The following PRKCH variants were observed in gnomAD, a reference collection of about 807,000 sequenced individuals.
PRKCH encodes protein kinase C eta type.
Under a neutral mutation model 82.5 loss-of-function variants are expected in PRKCH, and 28 were observed. That is an observed-to-expected ratio of 0.34 (90% CI 0.25 to 0.47). The LOEUF (loss-of-function observed/expected upper bound fraction) is 0.47, where lower values mean the gene tolerates loss of function less well. PRKCH is among the 20% of genes least tolerant of loss of function. The probability of loss-of-function intolerance (pLI) is 1.00; values close to 1 mark genes in which losing one functional copy is unlikely to be tolerated. For missense variants in PRKCH, 705 were observed against 881.8 expected, an observed-to-expected ratio of 0.80 and a Z score of 2.54; for synonymous variants, 322 against 327.4, an observed-to-expected ratio of 0.98 and a Z score of 0.18.
intron 1 of PRKCH, among the ~76,000 whole-genome samples, chr14:61,333,490 T>C (rs1190515805): frequency 6.6e-6 from 1 of 152,184 alleles, no homozygotes; most frequent in Non-Finnish European, 1.5e-5. Flanking sequence ...CTTCAATTAA[T>C]TATAGAAAAT....
intron 1 of PRKCH, among the ~76,000 whole-genome samples, chr14:61,366,761 T>TC (rs2046301508): frequency 2.0e-5 from 3 of 152,170 alleles, no homozygotes; most frequent in Middle Eastern, 6.8e-3. Flanking sequence ...GTACTTTATG[T>TC]TTATGTGTAT....
In PRKCH at chr14:61,249,910, C is replaced by T. The variant is rs543826529; in HGVS notation, c.-19+62242C>T. ...CTGGGATTACAGGCGTGAGCCACCA[C>T]GCTTGGCCCACCAATGGCAATTTAC... On this transcript the variant is annotated intron_variant, in intron 1 of 3. Transcript: ENST00000555185. Among the ~76,000 whole-genome samples, 6 of 151,540 alleles carry T rather than the reference C, an allele frequency of 4.0e-5. No homozygotes were observed. In the East Asian group the frequency reaches 5.9e-4, roughly 15 times the overall value.
In PRKCH at chr14:61,363,642, C is replaced by T. The variant is rs1476562466; in HGVS notation, c.364-27583C>T. On this transcript the variant is annotated intron_variant, in intron 1 of 13. Transcript: ENST00000332981. ...CTGGCAATTGAATGTGAGTCTGACG[C>T]TCTGGGAAGATGGCGTCTGGAGATG... Among the ~76,000 whole-genome samples the T allele has an allele frequency of 4.6e-5, 7 of 152,180 alleles. No homozygotes were observed. The East Asian group carries it at 1.3e-3, about 29-fold the overall frequency.
intron 1 of PRKCH, among the ~76,000 whole-genome samples, chr14:61,262,782 G>A (rs1254421369): frequency 6.6e-6 from 1 of 152,016 alleles, no homozygotes; most frequent in Non-Finnish European, 1.5e-5. Flanking sequence ...TCAAAAAATA[G>A]GGAAAATGGG....
intron 10 of PRKCH, among the ~76,000 whole-genome samples, chr14:61,516,778 C>T (rs544570436): frequency 1.3e-5 from 2 of 152,240 alleles, no homozygotes; most frequent in African/African-American, 4.8e-5. Context: ...GTGTCTAGCC[C>T]GTGATTGACA....
At chr14:61,317,748 CT>C (rs1412451753), upstream of PRKCH, among the ~76,000 whole-genome samples, 1 of 152,128 alleles carries the variant, frequency 6.6e-6, no homozygotes, top group Non-Finnish European at 1.5e-5. Flanking sequence ...TCCCACTTGC[CT>C]GCTTCTCCTC....
chr14:61,286,709 G>C lies in PRKCH; in HGVS notation c.-19+99041G>C, dbSNP rs147629212. Among the ~76,000 whole-genome samples, 515 of 152,216 alleles carry C rather than the reference G, an allele frequency of 3.4e-3. 1 individual carries two copies. The highest frequency in any genetic ancestry group is 0.011 in the African/African-American group (470 of 41,520). Reference sequence around the variant, plus strand: ...GAGAATCGCTTGAACCTGGGAGGTGGAGGTTGCGGTGAGCCGAGATCACGT... The same window carrying C: ...GAGAATCGCTTGAACCTGGGAGGTGCAGGTTGCGGTGAGCCGAGATCACGT... On this transcript the variant is annotated intron_variant, in intron 1 of 3. Transcript: ENST00000555185.
chr14:61,479,443 A>G (rs1013416523), intron 9 of PRKCH, among the ~76,000 whole-genome samples: 4 of 152,110 alleles, frequency 2.6e-5, no homozygotes, highest in African/African-American at 4.8e-5. Context: ...GATCACCATG[A>G]GCTGAGCAGA....
chr14:61,481,996 T>C (rs1276246790), intron 9 of PRKCH, among the ~76,000 whole-genome samples: 12 of 143,268 alleles, frequency 8.4e-5, no homozygotes, highest in East Asian at 4.2e-4. Context: ...TTTCCTTTTT[T>C]TTTTTTTTTT....
chr14:61,399,999 G>A (rs1881520540), intron 2 of PRKCH, among the ~76,000 whole-genome samples: 1 of 152,196 alleles, frequency 6.6e-6, no homozygotes, highest in African/African-American at 2.4e-5. Context: ...GGGAGACAAT[G>A]GAAAGGCACT....
rs1011844128 is a variant in PRKCH at position 61,303,386 on chromosome 14, A to C, written c.-19+115718A>C. Reference sequence around the variant, plus strand: ...CTTGAAGCTTTTTAGTCACATAAACATTTATATTTTTTATGTCTTCATGAT... The same window carrying C: ...CTTGAAGCTTTTTAGTCACATAAACCTTTATATTTTTTATGTCTTCATGAT... On this transcript the variant is annotated intron_variant, in intron 1 of 3. Transcript: ENST00000555185. 11 of 152,110 alleles carry C rather than the reference A, an allele frequency of 7.2e-5. No individual in the cohort carries two copies. In the East Asian group the frequency reaches 2.1e-3, roughly 29 times the overall value. 9.4% of individuals were successfully genotyped at this position (152,110 alleles called of 1,614,324 possible). A position where few individuals can be genotyped will look rare whatever the true frequency, so the allele number is the denominator to read the frequency against.
intron 10 of PRKCH, among the ~76,000 whole-genome samples, chr14:61,494,275 A>G (rs1202602940): frequency 1.3e-5 from 2 of 152,246 alleles, no homozygotes; most frequent in Non-Finnish European, 2.9e-5. Context: ...ACCAGACTCC[A>G]TTAGAAATCT....
Position 61,495,508 on chromosome 14 carries a change from TAAATG to T in PRKCH, c.1433+9855_1433+9859del, listed in dbSNP as rs1244357698. ...ATACAGTCATTTAATCTTTATGTAT[TAAATG>T]AACACAACCATTTGTAAAAAGTAAT... On this transcript the variant is annotated intron_variant, in intron 10 of 13. Coordinates refer to ENST00000332981, the MANE Select transcript of PRKCH (RefSeq NM_006255.5). 2.0e-5 allele frequency among the ~76,000 whole-genome samples: 3 copies of T among 152,356 alleles called. No homozygotes were observed. The East Asian group carries it at 5.8e-4, about 29-fold the overall frequency.
At chr14:61,517,480 G>A (rs573263795) in intron 10 of PRKCH, among the ~76,000 whole-genome samples, 3 of 152,186 alleles carry the variant, frequency 2.0e-5, no homozygotes, top group Admixed American at 6.5e-5. Flanking sequence ...AGGCTAAGAC[G>A]TCTGATTACT....
chr14:61,329,625 T>G (rs978954791), intron 1 of PRKCH, among the ~76,000 whole-genome samples: 8 of 152,162 alleles, frequency 5.3e-5, no homozygotes, highest in African/African-American at 1.9e-4. Flanking sequence ...TTTCCCCAAA[T>G]TACAATGAGC....
intron 1 of PRKCH, among the ~76,000 whole-genome samples, chr14:61,283,741 C>T (rs1452152993): frequency 6.6e-6 from 1 of 152,002 alleles, no homozygotes; most frequent in Non-Finnish European, 1.5e-5. Flanking sequence ...CCCAGCTACT[C>T]AAGAGGCTGA....
chr14:61,544,334 G>A (rs1360672697), intron 12 of PRKCH: 1 of 152,190 alleles, frequency 6.6e-6, no homozygotes, highest in African/African-American at 2.4e-5. Flanking sequence ...TCCACGAGAA[G>A]TTGGAAAACC....
upstream of PRKCH, among the ~76,000 whole-genome samples, chr14:61,319,120 A>C (rs918459616): frequency 7.2e-5 from 11 of 152,112 alleles, no homozygotes; most frequent in Non-Finnish European, 1.5e-4. Flanking sequence ...GGTCAGTGTG[A>C]CCACCTTTGC....
chr14:61,493,274 C>T (rs1418565368), intron 10 of PRKCH, among the ~76,000 whole-genome samples: 2 of 152,160 alleles, frequency 1.3e-5, no homozygotes, highest in African/African-American at 2.4e-5. Flanking sequence ...CATTTGCAAC[C>T]CAGATTTCTG....
Sources: allele counts gnomAD v4.1 joint callset (sites outside exome capture counted in the v4.1 genomes callset), GRCh38; gene constraint gnomAD v4.1.1; transcripts MANE v1.5; gene names NCBI Gene and HGNC (gene_info 2026-07-23, HGNC 2026-07-21).